The following APOO variants were observed in gnomAD, a reference collection of about 807,000 sequenced individuals.
APOO encodes the protein MICOS complex subunit MIC26.
A neutral mutation model predicts 23.1 loss-of-function variants in APOO; 11 were observed. The ratio of observed to expected loss-of-function variants is 0.48; its 90% CI spans 0.30 to 0.79. APOO has a LOEUF of 0.79. Among genes scored for constraint, APOO ranks in the 30% least tolerant of loss-of-function variants. The pLI, the probability that APOO is intolerant of heterozygous loss-of-function variation, is 0.07. For missense variants in APOO, 160 were observed against 142.7 expected (o/e 1.12, Z -0.62); for synonymous variants, 59 against 54.8 (o/e 1.08, Z -0.34).
At chrX:23,834,160 C>T (rs763550085) in intron 8 of APOO, among the ~76,000 whole-genome samples, 61 of 109,417 alleles carry the variant, frequency 5.6e-4, no homozygotes, top group Non-Finnish European at 5.5e-4. Context: ...TTTAGGAGGC[C>T]GAGGCAGGTG....
chrX:23,840,413 G>GA (rs1167297192), intron 7 of APOO, 36 bp from the exon 8 acceptor site: 1 of 1,153,586 alleles, frequency 8.7e-7, no homozygotes, highest in Non-Finnish European at 1.2e-6. Flanking sequence ...AATGCAGTTT[G>GA]AAAAGAAATA....
chrX:23,907,459 C>G (rs1927414334), intron 1 of APOO, among the ~76,000 whole-genome samples: 1 of 112,475 alleles, frequency 8.9e-6, no homozygotes, highest in African/African-American at 3.2e-5. Context: ...TTCACGAAAG[C>G]ACAACCCAAA....
At chrX:23,904,063 G>A in intron 1 of APOO, among the ~76,000 whole-genome samples, 1 of 111,604 alleles carries the variant, frequency 9.0e-6, no homozygotes, top group Admixed American at 9.6e-5. Context: ...GATCATGAAA[G>A]CTTTCCAAAG....
Position 23,862,651 on chromosome X carries a change from T to C in APOO, c.389-3918A>G, listed in dbSNP as rs774539643. 4.4e-4 allele frequency among the ~76,000 whole-genome samples: 46 copies of C among 104,078 alleles called. No individual in the cohort carries two copies. The South Asian group carries it at 7.7e-3, about 17-fold the overall frequency. The allele number at this position is 104,078 out of a possible 115,157, so 90.4% of individuals were successfully genotyped here. On this transcript the variant is annotated intron_variant, in intron 5 of 8. Transcript: ENST00000379226. Reference sequence around the variant, plus strand: ...AGTCAGGTGTGGTGGTGCATGCCTATAGTCGCAGCTACTCAGGAGGCTGAG... The same window carrying C: ...AGTCAGGTGTGGTGGTGCATGCCTACAGTCGCAGCTACTCAGGAGGCTGAG...
chrX:23,858,549 A>G (rs1227457205), intron 6 of APOO, 93 bp downstream of exon 6: 2 of 889,516 alleles, frequency 2.2e-6, no homozygotes, highest in Non-Finnish European at 3.1e-6. Context: ...GTCTGGTGTT[A>G]TAAGAACTGC....
At chrX:23,841,486 TAAAAAAAA>T (rs543879334) in intron 7 of APOO, among the ~76,000 whole-genome samples, 5 of 65,085 alleles carry the variant, frequency 7.7e-5, no homozygotes, top group Admixed American at 3.6e-4. Flanking sequence ...AAAAGAAGTT[TAAAAAAAA>T]AAAAAAAAAA....
intron 7 of APOO, among the ~76,000 whole-genome samples, chrX:23,854,503 G>A (rs1924692031): frequency 9.0e-6 from 1 of 111,666 alleles, no homozygotes; most frequent in Non-Finnish European, 1.9e-5. Flanking sequence ...AATTTAGTGT[G>A]CATTTGTTTT....
chrX:23,889,255 C>A (rs1926517470), intron 1 of APOO, among the ~76,000 whole-genome samples: 1 of 111,859 alleles, frequency 8.9e-6, no homozygotes, highest in Non-Finnish European at 1.9e-5. Flanking sequence ...CGTAAACAAA[C>A]AAATCATAAT....
intron 5 of APOO, among the ~76,000 whole-genome samples, chrX:23,865,560 C>T (rs1216321406): frequency 9.3e-6 from 1 of 107,336 alleles, no homozygotes; most frequent in African/African-American, 3.4e-5. Context: ...GCTGAGATGG[C>T]GCCACTGCAC....
chrX:23,897,385 A>T (rs1326980849), intron 1 of APOO, among the ~76,000 whole-genome samples: 1 of 112,357 alleles, frequency 8.9e-6, no homozygotes, highest in Non-Finnish European at 1.9e-5. Context: ...TGAGTCATCC[A>T]GTTGGGCTAT....
intron 5 of APOO, 95 bp from the exon 6 acceptor site, chrX:23,858,828 C>T (rs1924893089): frequency 1.3e-6 from 1 of 791,106 alleles, no homozygotes; most frequent in Admixed American, 3.2e-5. Flanking sequence ...AGGCCAGGCA[C>T]AGTGGCTCAC....
At chrX:23,881,055 C>A in intron 1 of APOO, 103 bp from the exon 2 acceptor site, 1 of 391,978 alleles carries the variant, frequency 2.6e-6, no homozygotes. Flanking sequence ...GAAAGGCTTA[C>A]TGTGCTTTAT....
chrX:23,835,725 C>CAAA (rs58910598), intron 8 of APOO, among the ~76,000 whole-genome samples: 6 of 99,590 alleles, frequency 6.0e-5, no homozygotes, highest in African/African-American at 1.4e-4. Context: ...CTGTCTATGG[C>CAAA]AAAAAAAAAA....
At chrX:23,874,305 G>A (rs757113186) in intron 4 of APOO, 98 bp downstream of exon 4, 223 of 746,808 alleles carry the variant, frequency 3.0e-4, no homozygotes, top group Non-Finnish European at 4.5e-4. Context: ...ATAATTTTAA[G>A]GAATACACAG....
At chrX:23,834,943 G>A (rs932671235) in intron 8 of APOO, among the ~76,000 whole-genome samples, 40 of 109,098 alleles carry the variant, frequency 3.7e-4, no homozygotes, top group African/African-American at 8.6e-4. Context: ...GGCTGGTCTC[G>A]AACTCCTGAC....
intron 1 of APOO, among the ~76,000 whole-genome samples, chrX:23,888,857 A>G (rs1926493949): frequency 9.4e-6 from 1 of 106,796 alleles, no homozygotes; most frequent in African/African-American, 3.4e-5. Context: ...CTCAAAAAAA[A>G]AAAAAAAAAA....
intron 7 of APOO, among the ~76,000 whole-genome samples, chrX:23,852,628 T>A (rs930390922): frequency 1.9e-4 from 19 of 102,144 alleles, no homozygotes; most frequent in Admixed American, 3.2e-4. Context: ...AAAAAAAAAA[T>A]ATGAATTAGA....
intron 1 of APOO, among the ~76,000 whole-genome samples, chrX:23,895,488 T>C (rs1321806089): frequency 9.0e-6 from 1 of 111,043 alleles, no homozygotes. Flanking sequence ...CTGGGGCCTA[T>C]CAGGGGATGG....
chrX:23,905,791 A>G (rs1183858322), intron 1 of APOO, among the ~76,000 whole-genome samples: 1 of 112,856 alleles, frequency 8.9e-6, no homozygotes. Flanking sequence ...AAGATCTAGC[A>G]GTGAGTCTTA....
Sources: allele counts gnomAD v4.1 joint callset (sites outside exome capture counted in the v4.1 genomes callset), GRCh38; gene constraint gnomAD v4.1.1; transcripts MANE v1.5; gene names NCBI Gene and HGNC (gene_info 2026-07-23, HGNC 2026-07-21).